Variants in TMPRSS13 observed in about 807,000 individuals in gnomAD.
TMPRSS13 encodes transmembrane protease serine 13.
Under a neutral mutation model 68.4 loss-of-function variants are expected in TMPRSS13, and 50 were observed. The observed-to-expected ratio is 0.73, with a 90% CI of 0.58 to 0.93. The LOEUF (loss-of-function observed/expected upper bound fraction) is 0.93. TMPRSS13 is among the 40% of genes least tolerant of loss of function. The probability of loss-of-function intolerance (pLI) is 0.00; values close to 1 mark genes in which losing one functional copy is unlikely to be tolerated. For missense variants in TMPRSS13, 615 were observed against 729.2 expected (o/e 0.84, Z 1.80); for synonymous variants, 267 against 285.8 (o/e 0.93, Z 0.66).
chr11:117,906,334 A>G (rs1461270319), intron 9 of TMPRSS13, among the ~76,000 whole-genome samples: 1 of 152,246 alleles, frequency 6.6e-6, no homozygotes, highest in Non-Finnish European at 1.5e-5. Flanking sequence ...CAGAAATATT[A>G]TATTTAGAAG....
intron 1 of TMPRSS13, among the ~76,000 whole-genome samples, chr11:117,927,749 T>C (rs2057720489): frequency 6.6e-6 from 1 of 152,200 alleles, no homozygotes; most frequent in African/African-American, 2.4e-5. Flanking sequence ...GCTCACTCTC[T>C]CAGAGTTCCA....
intron 1 of TMPRSS13, among the ~76,000 whole-genome samples, chr11:117,928,465 T>C (rs999530216): frequency 1.3e-5 from 2 of 152,204 alleles, no homozygotes; most frequent in Non-Finnish European, 2.9e-5. Context: ...TAGCCCATTC[T>C]TCCCAGAGTC....
intron 9 of TMPRSS13, chr11:117,907,742 G>A (rs1239449587): frequency 3.2e-6 from 3 of 940,618 alleles, no homozygotes; most frequent in Non-Finnish European, 3.8e-6. Context: ...AGTTGCTCCC[G>A]CCTATGCCAC....
chr11:117,901,342 C>T lies in TMPRSS13; in HGVS notation c.*897G>A, dbSNP rs898654857. ...CCAGCCCAAACAAGGATTTGCTTCC[C>T]TGAGTATCTCCTAGGGGCTCCAGAT... On this transcript the variant is annotated 3_prime_UTR_variant, in exon 13 of 13. Coordinates refer to ENST00000524993, the MANE Select transcript of TMPRSS13 (RefSeq NM_001077263.3). The T allele has an allele frequency of 2.0e-5, 3 of 152,708 alleles. No individual in the cohort carries two copies. Among genetic ancestry groups the T allele is most frequent in the Admixed American group, 6.5e-5 (1 of 15,300 alleles). The allele number at this position is 152,708 out of a possible 1,614,324, so 9.5% of individuals were successfully genotyped here.
rs377518523 is a variant in TMPRSS13, at chr11:117,929,247, C to A, written c.21+40G>T. Reference sequence around the variant, plus strand: ...CCCAGCCTCAGCCCTGCTTCCTCAGCGCTGGGAGAATCTGGCCCGAGGCCT... The same window carrying A: ...CCCAGCCTCAGCCCTGCTTCCTCAGAGCTGGGAGAATCTGGCCCGAGGCCT... On this transcript the variant is annotated intron_variant, in intron 1 of 12. Coordinates refer to ENST00000524993, the MANE Select transcript of TMPRSS13 (RefSeq NM_001077263.3). 3.8e-6 allele frequency: 6 copies of A among 1,580,014 alleles called. No homozygotes were observed. In the East Asian group the frequency reaches 1.4e-4, roughly 37 times the overall value.
chr11:117,904,379 G>A (rs1368898630), intron 10 of TMPRSS13, among the ~76,000 whole-genome samples: 3 of 152,198 alleles, frequency 2.0e-5, no homozygotes, highest in Non-Finnish European at 4.4e-5. Context: ...CAGGCTACCC[G>A]ACATGTTGCA....
At chr11:117,921,130 G>C (rs1343635955) in intron 1 of TMPRSS13, among the ~76,000 whole-genome samples, 4 of 152,172 alleles carry the variant, frequency 2.6e-5, no homozygotes, top group African/African-American at 9.7e-5. Flanking sequence ...GTCCAGGCAG[G>C]TTAAGAACAT....
At chr11:117,929,244 C>A in intron 1 of TMPRSS13, 43 bp downstream of exon 1, 6 of 1,564,834 alleles carry the variant, frequency 3.8e-6, no homozygotes, top group Non-Finnish European at 5.2e-6. Context: ...CCTGCTTCCT[C>A]AGCGCTGGGA....
At chr11:117,918,948 G>C in intron 1 of TMPRSS13, 110 bp from the exon 2 acceptor site, 1 of 1,444,426 alleles carries the variant, frequency 6.9e-7, no homozygotes, top group Non-Finnish European at 9.4e-7. Flanking sequence ...GCTAGGGGTT[G>C]AGCAAAGCCC....
intron 1 of TMPRSS13, among the ~76,000 whole-genome samples, chr11:117,927,771 G>C (rs886900258): frequency 6.6e-6 from 1 of 152,132 alleles, no homozygotes; most frequent in Non-Finnish European, 1.5e-5. Flanking sequence ...CTTAAATAGG[G>C]GAGTGAAGTT....
intron 3 of TMPRSS13, among the ~76,000 whole-genome samples, chr11:117,916,931 T>G (rs184632429): frequency 2.0e-5 from 3 of 152,312 alleles, no homozygotes; most frequent in Admixed American, 1.3e-4. Context: ...GCATAGTAAG[T>G]GGCACAGATG....
chr11:117,913,810 G>A lies in TMPRSS13; in HGVS notation c.776C>T (p.Ser259Leu), dbSNP rs1291590758. The change falls in exon 5 of 13, where the codon TCA becomes TTA. Residue 259 changes from serine to leucine, a missense_variant. By Grantham distance (145) the Ser-to-Leu change is moderately radical. Coordinates refer to ENST00000524993, the MANE Select transcript of TMPRSS13 (RefSeq NM_001077263.3). ...ICSSNWNDSY[S>L]EKTCQQLGFE... ...ACCCAGCTGCTGGCAGGTCTTCTCT[G>A]AGTAGGAGTCATTCCAGTTGCTGCT... The A allele has an allele frequency of 6.2e-7, 1 of 1,614,140 alleles. No individual in the cohort carries two copies. Among genetic ancestry groups the A allele is most frequent in the African/African-American group, 1.3e-5 (1 of 75,048 alleles).
At chr11:117,917,338 TG>T (rs1211351710) in intron 2 of TMPRSS13, 64 bp from the exon 3 acceptor site, 9 of 1,336,772 alleles carry the variant, frequency 6.7e-6, no homozygotes, top group East Asian at 4.9e-5. Flanking sequence ...ATGGAGAGGG[TG>T]GGGGAAACAA....
intron 5 of TMPRSS13, among the ~76,000 whole-genome samples, 160 bp downstream of exon 5, chr11:117,913,617 C>G (rs1036260884): frequency 5.9e-5 from 9 of 152,164 alleles, no homozygotes; most frequent in Non-Finnish European, 1.0e-4. Flanking sequence ...ATCTCAGGGC[C>G]TCTGACTCTG....
At chr11:117,927,853 GA>G (rs1443529101) in intron 1 of TMPRSS13, among the ~76,000 whole-genome samples, 1 of 152,092 alleles carries the variant, frequency 6.6e-6, no homozygotes, top group African/African-American at 2.4e-5. Flanking sequence ...CTTTTTTTCA[GA>G]ATGAATATGG....
chr11:117,913,767 TG>T lies in TMPRSS13; in HGVS notation c.809+9del, dbSNP rs1481229849. On this transcript the variant is annotated intron_variant, in intron 5 of 12. Transcript: ENST00000524993. ...TGAAGCCTGGACTCTGGGGCCAGGT[TG>T]GGGGTTACCTCTCGAAACCCAGCTG... The T allele has an allele frequency of 5.6e-6, 9 of 1,613,554 alleles. 1 individual carries two copies. The South Asian group carries it at 9.9e-5, about 18-fold the overall frequency.
chr11:117,902,868 G>A (rs1276241926), intron 12 of TMPRSS13, among the ~76,000 whole-genome samples: 2 of 152,170 alleles, frequency 1.3e-5, no homozygotes, highest in Non-Finnish European at 2.9e-5. Flanking sequence ...TCTTCAGTAA[G>A]AAAAATGGAA....
In TMPRSS13 at chr11:117,902,137, G is replaced by T; in HGVS notation, c.*102C>A. ...CAGACAGTGGAGGTGGGAGTCCGAT[G>T]GTGCCCGGTGGCCATTAGCCCAGAT... is the stretch of plus-strand genomic sequence containing the variant. On this transcript the variant is annotated 3_prime_UTR_variant, in exon 13 of 13. Coordinates refer to ENST00000524993, the MANE Select transcript of TMPRSS13 (RefSeq NM_001077263.3). The T allele has an allele frequency of 7.5e-7, 1 of 1,328,048 alleles. No homozygotes were observed. The highest frequency in any genetic ancestry group is 1.1e-6 in the Non-Finnish European group (1 of 939,004). 82.3% of individuals were successfully genotyped at this position (1,328,048 alleles called of 1,614,324 possible). A position where few individuals can be genotyped will look rare whatever the true frequency, so the allele number is the denominator to read the frequency against.
At chr11:117,917,917 C>T (rs1021051200) in intron 2 of TMPRSS13, among the ~76,000 whole-genome samples, 7 of 152,160 alleles carry the variant, frequency 4.6e-5, no homozygotes, top group African/African-American at 1.7e-4. Flanking sequence ...CTCTGACTCC[C>T]TAGTAGCTAA....
Sources: gnomAD v4.1 joint callset for allele counts (sites outside exome capture counted in the v4.1 genomes callset) on GRCh38, gnomAD v4.1.1 for gene constraint, MANE v1.5 for transcripts, NCBI Gene and HGNC (gene_info 2026-07-23, HGNC 2026-07-21) for gene names.